MYT1L: variants seen among roughly 807,000 people sequenced by gnomAD.
MYT1L encodes the protein myelin transcription factor 1-like protein.
A neutral mutation model predicts 126.7 loss-of-function variants in MYT1L; 12 were observed. The observed-to-expected ratio is 0.09, with a 90% CI of 0.06 to 0.15. The LOEUF is 0.15. Among genes scored for constraint, MYT1L ranks in the 10% least tolerant of loss-of-function variants. The pLI, the probability that MYT1L is intolerant of heterozygous loss-of-function variation, is 1.00. For missense variants in MYT1L, 979 were observed against 1,585.2 expected (o/e 0.62, Z 6.49); for synonymous variants, 541 against 604.2 (o/e 0.90, Z 1.53).
In MYT1L at chr2:2,165,888, A is replaced by ATTTTTCTACTTTGTAAAAAAATAAAATCT. The variant is rs1447968957; in HGVS notation, c.-304+6955_-304+6983dup. On this transcript the variant is annotated intron_variant, in intron 3 of 24. Coordinates refer to ENST00000647738, the MANE Select transcript of MYT1L (RefSeq NM_001303052.2). The stretch of plus-strand genomic sequence containing the variant: ...TACTTTGTAAATAATAAAATCTTTT[A>ATTTTTCTACTTTGTAAAAAAATAAAATCT]TTTTTCTACTTTGTAAAAAAATAAA... Among the ~76,000 whole-genome samples, 241 of 150,730 alleles carry ATTTTTCTACTTTGTAAAAAAATAAAATCT rather than the reference A, an allele frequency of 1.6e-3. 1 individual carries two copies. Among genetic ancestry groups the ATTTTTCTACTTTGTAAAAAAATAAAATCT allele is most frequent in the African/African-American group, 5.2e-3 (212 of 40,966 alleles).
At chr2:2,049,233 A>G (rs189431786) in intron 4 of MYT1L, among the ~76,000 whole-genome samples, 7 of 152,230 alleles carry the variant, frequency 4.6e-5, no homozygotes, top group Non-Finnish European at 1.0e-4. Context: ...CTGAGTCATT[A>G]AAGCAAAACA....
At chr2:1,942,427 G>C (rs571401648) in intron 9 of MYT1L, among the ~76,000 whole-genome samples, 3 of 152,134 alleles carry the variant, frequency 2.0e-5, no homozygotes, top group African/African-American at 7.2e-5. Flanking sequence ...GCAGATGACC[G>C]GCTGATTATC....
intron 3 of MYT1L, among the ~76,000 whole-genome samples, chr2:2,058,557 G>A (rs1049633666): frequency 1.3e-5 from 2 of 152,106 alleles, no homozygotes; most frequent in African/African-American, 4.8e-5. Context: ...TAACTTATTT[G>A]TAAATCACAA....
intron 23 of MYT1L, among the ~76,000 whole-genome samples, chr2:1,800,775 C>A (rs2034703939): frequency 6.6e-6 from 1 of 152,032 alleles, no homozygotes; most frequent in African/African-American, 2.4e-5. Flanking sequence ...GCGGTGACAC[C>A]ATCCTCATCT....
chr2:1,887,327 C>T lies in MYT1L; in HGVS notation c.2642+161G>A, dbSNP rs974144970. On this transcript the variant is annotated intron_variant, in intron 17 of 24. Transcript: ENST00000647738. This position sits in a 1 kb window ranked among gnomAD's most constrained non-coding sequence, Gnocchi z 4.8. ...GCGTCACTGGGAACAGGCAAGTGCA[C>T]GGTTAGCTGCTCACTCTACTGACCC... is the stretch of plus-strand genomic sequence containing the variant. Among the ~76,000 whole-genome samples, 3 of 152,172 alleles carry T rather than the reference C, an allele frequency of 2.0e-5. No homozygotes were observed. The highest frequency in any genetic ancestry group is 7.2e-5 in the African/African-American group (3 of 41,442).
intron 3 of MYT1L, among the ~76,000 whole-genome samples, chr2:2,054,798 A>G (rs1050010999): frequency 1.3e-5 from 2 of 151,886 alleles, no homozygotes; most frequent in Non-Finnish European, 2.9e-5. Context: ...GACACAAGAG[A>G]TGATGAGACA....
rs1229266800 is a variant in MYT1L at position 2,060,808 on chromosome 2, TTC to T, written c.-303-6687_-303-6686del. Among the ~76,000 whole-genome samples the T allele has an allele frequency of 5.5e-5, 8 of 146,136 alleles. No homozygotes were observed. The East Asian group carries it at 6.3e-4, about 11-fold the overall frequency. ...TCCTTTCCTTTCCTTTCCTTTCCTC[TTC>T]TCTCTCTCTCTTTCCCTCTCTCTCT... On this transcript the variant is annotated intron_variant, in intron 3 of 24. Transcript: ENST00000647738.
At chr2:2,107,578 TGGCCAGATAATTTTTAC>T (rs1355288958) in intron 3 of MYT1L, among the ~76,000 whole-genome samples, 2 of 152,108 alleles carry the variant, frequency 1.3e-5, no homozygotes, top group Non-Finnish European at 2.9e-5. Context: ...CTAAAGCATT[TGGCCAGATAATTTTTAC>T]GGAGTTTTTT....
intron 21 of MYT1L, chr2:1,824,833 A>T (rs983852121): frequency 1.3e-5 from 2 of 152,256 alleles, no homozygotes; most frequent in Admixed American, 1.3e-4. Context: ...TTGGTGCTTC[A>T]AGGAACAGCT....
chr2:1,854,926 A>G (rs951176317), intron 18 of MYT1L, among the ~76,000 whole-genome samples: 2 of 152,176 alleles, frequency 1.3e-5, no homozygotes, highest in Admixed American at 6.5e-5. Flanking sequence ...ACATGCTGGA[A>G]ACACTGGCTG....
At chr2:2,222,027 G>T (rs1431756199) in intron 2 of MYT1L, among the ~76,000 whole-genome samples, 3 of 152,202 alleles carry the variant, frequency 2.0e-5, no homozygotes, top group Non-Finnish European at 4.4e-5. Context: ...ACCATGGGTT[G>T]TCTTCTCTCA....
At position 1,998,116 on chromosome 2, in the gene MYT1L, G is replaced by A. The variant is rs1558672032; in HGVS notation, c.-157-769C>T. On this transcript the variant is annotated intron_variant, in intron 4 of 24. Coordinates refer to ENST00000647738, the MANE Select transcript of MYT1L (RefSeq NM_001303052.2). The stretch of plus-strand genomic sequence containing the variant: ...CGCTGAGACACGGGTCAGGGAATTT[G>A]AGTCTCGCCACTAGGTCCTCGGGGA... 2.6e-5 allele frequency among the ~76,000 whole-genome samples: 4 copies of A among 152,192 alleles called. No homozygotes were observed. The South Asian group carries it at 8.3e-4, about 32-fold the overall frequency.
intron 8 of MYT1L, among the ~76,000 whole-genome samples, chr2:1,948,636 AAG>A (rs1281139631): frequency 6.6e-6 from 1 of 152,162 alleles, no homozygotes; most frequent in Non-Finnish European, 1.5e-5. Context: ...GTGATCTGGA[AAG>A]AGAGGAGGAT....
chr2:2,176,290 T>G (rs2090761879), intron 2 of MYT1L, among the ~76,000 whole-genome samples: 1 of 152,182 alleles, frequency 6.6e-6, no homozygotes, highest in Non-Finnish European at 1.5e-5. Context: ...ACAGCCAGTT[T>G]TAAAATCACC....
chr2:1,865,315 G>GCGGC (rs929457304), intron 18 of MYT1L, among the ~76,000 whole-genome samples: 8 of 152,292 alleles, frequency 5.3e-5, no homozygotes, highest in African/African-American at 1.4e-4. Context: ...CCCTGCTCCT[G>GCGGC]CGGCCGTGCG....
intron 8 of MYT1L, among the ~76,000 whole-genome samples, chr2:1,945,991 A>G (rs1276438714): frequency 6.6e-6 from 1 of 152,180 alleles, no homozygotes; most frequent in Non-Finnish European, 1.5e-5. Flanking sequence ...ACTGGGCCAC[A>G]CAGCAGGAGG....
chr2:1,894,079 A>G (rs1284483822), intron 14 of MYT1L, among the ~76,000 whole-genome samples: 1 of 152,268 alleles, frequency 6.6e-6, no homozygotes, highest in African/African-American at 2.4e-5. Context: ...CCCATGAAAT[A>G]CAATAGTAAT....
At chr2:2,255,793 G>A (rs997622032) in intron 2 of MYT1L, among the ~76,000 whole-genome samples, 6 of 152,078 alleles carry the variant, frequency 3.9e-5, no homozygotes, top group East Asian at 1.9e-4. Flanking sequence ...TCTGGAGGCC[G>A]TTTCTAGTCC....
At chr2:2,181,868 C>A (rs2091570061) in intron 2 of MYT1L, among the ~76,000 whole-genome samples, 1 of 152,156 alleles carries the variant, frequency 6.6e-6, no homozygotes, top group South Asian at 2.1e-4. Flanking sequence ...ATCCTCAGAA[C>A]AACCCTGAGA....
Sources: gnomAD v4.1 joint callset for allele counts (sites outside exome capture counted in the v4.1 genomes callset) on GRCh38, gnomAD v4.1.1 for gene constraint, Gnocchi (gnomAD v3.1) non-coding constraint, MANE v1.5 for transcripts, NCBI Gene and HGNC (gene_info 2026-07-23, HGNC 2026-07-21) for gene names.